The following ZNF844 variants were observed in gnomAD, a reference collection of about 807,000 sequenced individuals.
The protein encoded by ZNF844 is zinc finger protein 844.
ZNF844 carries 11 observed loss-of-function variants against 11.4 expected under a neutral mutation model. The observed-to-expected ratio is 0.97, with a 90% CI of 0.61 to 1.60. ZNF844 has a LOEUF of 1.60. Ranked by LOEUF, ZNF844 falls within the 40% of genes most tolerant of loss-of-function variation. The pLI is 0.00. For synonymous variants in ZNF844, 248 were observed against 260.3 expected (o/e 0.95, Z 0.46); for missense variants, 790 against 796.8 (o/e 0.99, Z 0.10).
rs1306173011 is a variant in ZNF844, at chr19:12,075,754, T to C, written c.634T>C (p.Tyr212His). The C allele has an allele frequency of 3.7e-6, 6 of 1,613,928 alleles. No individual in the cohort carries two copies. In the Admixed American group the frequency reaches 6.7e-5, roughly 18 times the overall value. Residue 212 changes from tyrosine to histidine, a missense_variant, in exon 4 of 4, where the codon TAT (tyrosine) becomes CAT (histidine). Transcript: ENST00000439326. ...CGKACPCLSI[Y>H]LIHERVHTGE... ...GAAAGCCTGCCCTTGTCTCAGCATA[T>C]ATCTTATACATGAACGAGTTCACAC...
At chr19:12,075,262 C>T in intron 3 of ZNF844, 50 bp from the exon 4 acceptor site, 1 of 1,247,868 alleles carries the variant, frequency 8.0e-7, no homozygotes. Context: ...TAATAAACAT[C>T]AAATCACTTA....
intron 1 of ZNF844, among the ~76,000 whole-genome samples, chr19:12,068,168 G>T (rs559087663): frequency 6.6e-6 from 1 of 151,894 alleles, no homozygotes; most frequent in African/African-American, 2.4e-5. Context: ...AAATAGCCAG[G>T]CATGATGGTA....
chr19:12,075,289 AATGTGTTTCTCATTTTTCACAG>A lies in ZNF844; in HGVS notation c.192-21_192del, dbSNP rs1198655034. The A allele has an allele frequency of 7.3e-7, 1 of 1,367,344 alleles. No individual in the cohort carries two copies. Among genetic ancestry groups the A allele is most frequent in the African/African-American group, 1.5e-5 (1 of 67,688 alleles). The allele number at this position is 1,367,344 out of a possible 1,614,324, so 84.7% of individuals were successfully genotyped here. A position where few individuals can be genotyped will look rare whatever the true frequency, so the allele number is the denominator to read the frequency against. On this transcript the variant is annotated splice_acceptor_variant and splice_polypyrimidine_tract_variant and intron_variant, in intron 3 of 3. Transcript: ENST00000439326. LOFTEE classifies it high-confidence loss of function. The stretch of plus-strand genomic sequence containing the variant: ...AATCACTTATAAACAAACCTTCAAT[AATGTGTTTCTCATTTTTCACAG>A]AAGTCTTCTGGGAGAGAGAGTTGAT...
chr19:12,073,949 T>C, intron 1 of ZNF844, 82 bp from the exon 2 acceptor site: 1 of 1,512,110 alleles, frequency 6.6e-7, no homozygotes, highest in Non-Finnish European at 8.9e-7. Flanking sequence ...CACAGCATCA[T>C]GGGAACTTCT....
chr19:12,076,777 C>T lies in ZNF844; in HGVS notation c.1657C>T (p.His553Tyr). Residue 553 changes from histidine to tyrosine, a missense_variant, in exon 4 of 4, where the codon CAC becomes TAC. Transcript: ENST00000439326. ...LSETFKFMKRHTLERNPIRNM... is the reference protein window; with the variant it reads ...LSETFKFMKRYTLERNPIRNM... ...AGAAACCTTCAAATTCATGAAAAGA[C>T]ACACCCTGGAGAGAAACCCTATAAG... is the stretch of plus-strand genomic sequence containing the variant. The T allele has an allele frequency of 1.9e-6, 3 of 1,581,852 alleles. No homozygotes were observed. The highest frequency in any genetic ancestry group is 1.4e-5 in the African/African-American group (1 of 74,038).
chr19:12,073,904 C>T, intron 1 of ZNF844, 127 bp from the exon 2 acceptor site: 2 of 1,267,892 alleles, frequency 1.6e-6, no homozygotes, highest in South Asian at 1.6e-5. Flanking sequence ...AGTAATGGGT[C>T]AGATGACCAA....
chr19:12,076,883 TAA>T lies in ZNF844; in HGVS notation c.1765_1766del (p.Lys589GlufsTer54), dbSNP rs1975830939. ...ACAGAGGACAGAATGCCTATGAATG[TAA>T]AGAGTGTGACAAAGCATTCATATCT... is the stretch of plus-strand genomic sequence containing the variant. On this transcript the variant is annotated frameshift_variant, in exon 4 of 4. Transcript: ENST00000439326. LOFTEE classifies it low-confidence loss of function (END_TRUNC). 5 of 1,570,798 alleles carry T rather than the reference TAA, an allele frequency of 3.2e-6. No homozygotes were observed. The highest frequency in any genetic ancestry group is 2.3e-5 in the South Asian group (2 of 86,236).
Position 12,077,830 on chromosome 19 carries a change from A to AT in ZNF844, c.*719dup, listed in dbSNP as rs202122963. 0.057 allele frequency: 15,366 copies of AT among 269,752 alleles called. 286 individuals carry two copies. Among genetic ancestry groups the AT allele is most frequent in the Middle Eastern group, 0.085 (67 of 792 alleles). 16.7% of individuals were successfully genotyped at this position (269,752 alleles called of 1,614,324 possible). ...GCTGCATACTAACATGTTATTCTGTATTTTTTTTTTCTTTTTGAGACAGAG... is the reference window on the plus strand; with the variant it reads ...GCTGCATACTAACATGTTATTCTGTATTTTTTTTTTTCTTTTTGAGACAGAG... On this transcript the variant is annotated 3_prime_UTR_variant, in exon 4 of 4. Coordinates refer to ENST00000439326, the MANE Select transcript of ZNF844 (RefSeq NM_001136501.3).
Position 12,076,060 on chromosome 19 carries a change from T to C in ZNF844, c.940T>C (p.Cys314Arg). The C allele has an allele frequency of 6.4e-7, 1 of 1,563,806 alleles. No homozygotes were observed. Among genetic ancestry groups the C allele is most frequent in the South Asian group, 1.2e-5 (1 of 86,008 alleles). The change falls in exon 4 of 4, where the codon TGT becomes CGT. Residue 314 changes from cysteine (C) to arginine (R), a missense_variant. This residue lies in a region of ZNF844 where 657 missense variants were observed against 636.2 expected (regional missense o/e 1.03). Coordinates refer to ENST00000439326, the MANE Select transcript of ZNF844 (RefSeq NM_001136501.3). ...SEEKAYECTKCGKAFKCPSYL... is the reference protein window; with the variant it reads ...SEEKAYECTKRGKAFKCPSYL... ...GGAGAAGGCTTATGAATGTACCAAATGTGGGAAAGCATTCAAGTGTCCCAG... is the reference window on the plus strand; with the variant it reads ...GGAGAAGGCTTATGAATGTACCAAACGTGGGAAAGCATTCAAGTGTCCCAG...
rs1975874414 is a variant in ZNF844, at chr19:12,079,835, A to C, written c.*2714A>C. The stretch of plus-strand genomic sequence containing the variant: ...GTGGCACATGCCTGTAATCCCAGCT[A>C]CATGGGAGACTGAGGCAGGAGAATT... On this transcript the variant is annotated 3_prime_UTR_variant, in exon 4 of 4. Coordinates refer to ENST00000439326, the MANE Select transcript of ZNF844 (RefSeq NM_001136501.3). The C allele has an allele frequency of 6.6e-6, 1 of 152,612 alleles. No homozygotes were observed. Among genetic ancestry groups the C allele is most frequent in the South Asian group, 2.1e-4 (1 of 4,848 alleles). 9.5% of individuals were successfully genotyped at this position (152,612 alleles called of 1,614,324 possible).
At chr19:12,073,488 T>C (rs1453105240) in intron 1 of ZNF844, among the ~76,000 whole-genome samples, 1 of 152,142 alleles carries the variant, frequency 6.6e-6, no homozygotes, top group Non-Finnish European at 1.5e-5. Flanking sequence ...TTTCTATTCA[T>C]GAGTTTTTTA....
rs143017330 is a variant in ZNF844 at position 12,077,579 on chromosome 19, A to G, written c.*458A>G. ...GTAAGCAGTGTGGTAAAGCCTTCAG[A>G]TCTGCCACTCAACTTCAGATGCATA... On this transcript the variant is annotated 3_prime_UTR_variant, in exon 4 of 4. Coordinates refer to ENST00000439326, the MANE Select transcript of ZNF844 (RefSeq NM_001136501.3). 1 of 581,554 alleles carries G rather than the reference A, an allele frequency of 1.7e-6. No individual in the cohort carries two copies. Among genetic ancestry groups the G allele is most frequent in the Non-Finnish European group, 3.3e-6 (1 of 301,412 alleles). 36.0% of individuals were successfully genotyped at this position (581,554 alleles called of 1,614,324 possible). A position where few individuals can be genotyped will look rare whatever the true frequency, so the allele number is the denominator to read the frequency against.
At chr19:12,067,916 AAAAG>A (rs199620118) in intron 1 of ZNF844, among the ~76,000 whole-genome samples, 3 of 83,992 alleles carry the variant, frequency 3.6e-5, no homozygotes, top group Admixed American at 1.4e-4. Flanking sequence ...TGTCTCAAAA[AAAAG>A]AAAGAAAGAA....
Position 12,077,022 on chromosome 19 carries a change from A to T in ZNF844, c.1902A>T (p.Gly634=). The T allele has an allele frequency of 6.3e-7, 1 of 1,596,956 alleles. No individual in the cohort carries two copies. The highest frequency in any genetic ancestry group is 8.5e-7 in the Non-Finnish European group (1 of 1,171,012). Residue 634 remains glycine (G), a synonymous_variant, in exon 4 of 4, where the codon GGA becomes GGT. Transcript: ENST00000439326. ...IIFLLCVYTK[G]CTLERNHINV... ...TTCTTCTTTGCGTATACACAAAAGG[A>T]TGCACACTGGAGAGAAACCATATTA...
At chr19:12,065,515 A>C (rs1447274455) in intron 1 of ZNF844, among the ~76,000 whole-genome samples, 1 of 152,128 alleles carries the variant, frequency 6.6e-6, no homozygotes, top group Non-Finnish European at 1.5e-5. Flanking sequence ...CATTGCAGTA[A>C]AGAAAATGTT....
Position 12,077,043 on chromosome 19 carries a change from T to G in ZNF844, c.1923T>G (p.His641Gln), listed in dbSNP as rs761914475. 2.5e-6 allele frequency: 4 copies of G among 1,597,580 alleles called. No individual in the cohort carries two copies. In the African/African-American group the frequency reaches 5.4e-5, roughly 21 times the overall value. The change falls in exon 4 of 4, where the codon CAT (histidine) becomes CAG (glutamine). Residue 641 changes from histidine to glutamine, a missense_variant. Around this residue, in one of 3 missense-constraint regions of ZNF844, gnomAD observed 657 missense variants for 636.2 expected, o/e 1.03. Transcript: ENST00000439326. Reference sequence around the variant, plus strand: ...AAGGATGCACACTGGAGAGAAACCATATTAATGTAAGGATTGTGGGAAAGC... The same window carrying G: ...AAGGATGCACACTGGAGAGAAACCAGATTAATGTAAGGATTGTGGGAAAGC... ...YTKGCTLERN[H>Q]INVRIVGKHS...
rs1975667895 is a variant in ZNF844, at chr19:12,064,740, C to T, written c.-134C>T. The T allele has an allele frequency of 2.2e-6, 2 of 904,644 alleles. No individual in the cohort carries two copies. Among genetic ancestry groups the T allele is most frequent in the Non-Finnish European group, 1.7e-6 (1 of 601,412 alleles). 56.0% of individuals were successfully genotyped at this position (904,644 alleles called of 1,614,324 possible). On this transcript the variant is annotated 5_prime_UTR_variant, in exon 1 of 4. Coordinates refer to ENST00000439326, the MANE Select transcript of ZNF844 (RefSeq NM_001136501.3). ...CATTGCCGTTCGCCTCAGTCTTTGG[C>T]CCCTCCCGCCGGGTGAGGTTGGCAC...
In ZNF844 at chr19:12,081,522, ATTAAT is replaced by A. The variant is rs1395546529; in HGVS notation, c.*4403_*4407del. 6 of 152,154 alleles carry A rather than the reference ATTAAT, an allele frequency of 3.9e-5. No homozygotes were observed. Among genetic ancestry groups the A allele is most frequent in the African/African-American group, 1.4e-4 (6 of 41,412 alleles). 9.4% of individuals were successfully genotyped at this position (152,154 alleles called of 1,614,324 possible). A position where few individuals can be genotyped will look rare whatever the true frequency, so the allele number is the denominator to read the frequency against. On this transcript the variant is annotated 3_prime_UTR_variant, in exon 4 of 4. Transcript: ENST00000439326. ...TACTGACAAACATTATTCTTTCTTAATTAATTCAGTAGCTATATTAAAATATGTAT... is the reference window on the plus strand; with the variant it reads ...TACTGACAAACATTATTCTTTCTTAATCAGTAGCTATATTAAAATATGTAT...
rs1975853778 is a variant in ZNF844 at position 12,078,186 on chromosome 19, G to A, written c.*1065G>A. 1 of 152,340 alleles carries A rather than the reference G, an allele frequency of 6.6e-6. No individual in the cohort carries two copies. The highest frequency in any genetic ancestry group is 1.5e-5 in the Non-Finnish European group (1 of 68,378). The allele number at this position is 152,340 out of a possible 1,614,324, so 9.4% of individuals were successfully genotyped here. A position where few individuals can be genotyped will look rare whatever the true frequency, so the allele number is the denominator to read the frequency against. On this transcript the variant is annotated 3_prime_UTR_variant, in exon 4 of 4. Transcript: ENST00000439326. ...GAGTCTTGTTCTGTTGCCCAGGCTGGAGTGCAGTGGCATGATCTCGCCTCC... is the reference window on the plus strand; with the variant it reads ...GAGTCTTGTTCTGTTGCCCAGGCTGAAGTGCAGTGGCATGATCTCGCCTCC...
Sources: gnomAD v4.1 joint callset for allele counts (sites outside exome capture counted in the v4.1 genomes callset) on GRCh38, gnomAD v4.1.1 for gene constraint, gnomAD v4.1.1 regional missense constraint, MANE v1.5 for transcripts, NCBI Gene and HGNC (gene_info 2026-07-23, HGNC 2026-07-21) for gene names.